Variants in CTIF observed in about 807,000 individuals in gnomAD.
CTIF encodes CBP80/20-dependent translation initiation factor.
CTIF carries 21 observed loss-of-function variants against 66.0 expected under a neutral mutation model. The observed-to-expected ratio is 0.32, with a 90% CI of 0.23 to 0.46. The LOEUF is 0.46. Among genes scored for constraint, CTIF ranks in the 20% least tolerant of loss-of-function variants. The probability of loss-of-function intolerance (pLI) is 1.00; values close to 1 mark genes in which losing one functional copy is unlikely to be tolerated. For missense variants in CTIF, 739 were observed against 812.7 expected, an observed-to-expected ratio of 0.91 and a Z score of 1.10; for synonymous variants, 345 against 326.4, an observed-to-expected ratio of 1.06 and a Z score of -0.62.
At chr18:48,720,320 A>G (rs371735521) in intron 7 of CTIF, among the ~76,000 whole-genome samples, 1 of 152,066 alleles carries the variant, frequency 6.6e-6, no homozygotes, top group South Asian at 2.1e-4. Flanking sequence ...GCATGGTTTG[A>G]CTGAGCCTAT....
At chr18:48,669,798 TATATATATATATATATATA>T (rs1568120582) in intron 5 of CTIF, among the ~76,000 whole-genome samples, 14 of 53,542 alleles carry the variant, frequency 2.6e-4, no homozygotes, top group African/African-American at 1.2e-3. Flanking sequence ...AACATTTATA[TATATATATATATATATATA>T]TATATATATA....
At position 48,669,797 on chromosome 18, in the gene CTIF, A is replaced by T. The variant is rs1325761747; in HGVS notation, c.432-872A>T. ...ATAAACAAACAAGCTAAACATTTAT[A>T]TATATATATATATATATATATATAT... On this transcript the variant is annotated intron_variant, in intron 5 of 11. Coordinates refer to ENST00000256413, the MANE Select transcript of CTIF (RefSeq NM_014772.3). Among the ~76,000 whole-genome samples, 6 of 48,884 alleles carry T rather than the reference A, an allele frequency of 1.2e-4. 1 individual carries two copies. The highest frequency in any genetic ancestry group is 6.0e-4 in the African/African-American group (6 of 9,918). The allele number at this position is 48,884 out of a possible 152,430, so 32.1% of individuals were successfully genotyped here.
In CTIF at chr18:48,703,991, G is replaced by A. The variant is rs537277640; in HGVS notation, c.508-7628G>A. ...CAGCTCTCCCACTTCTGGGCCTGGG[G>A]GGAAGCGTAGTGGTCACTGGGAGGG... is the stretch of plus-strand genomic sequence containing the variant. On this transcript the variant is annotated intron_variant, in intron 6 of 11. Coordinates refer to ENST00000256413, the MANE Select transcript of CTIF (RefSeq NM_014772.3). Among the ~76,000 whole-genome samples the A allele has an allele frequency of 2.6e-5, 4 of 152,354 alleles. No individual in the cohort carries two copies. The South Asian group carries it at 6.2e-4, about 24-fold the overall frequency.
Position 48,859,332 on chromosome 18 carries a change from C to G in CTIF, c.1582-12C>G, listed in dbSNP as rs1216572058. On this transcript the variant is annotated splice_polypyrimidine_tract_variant and intron_variant, in intron 11 of 11. Coordinates refer to ENST00000256413, the MANE Select transcript of CTIF (RefSeq NM_014772.3). ...ACCCGAGGCCATCCTAACCCCACAT[C>G]TCTGTCTGCAGCTGCAGAGTACAGG... 1 of 1,613,176 alleles carries G rather than the reference C, an allele frequency of 6.2e-7. No individual in the cohort carries two copies. Among genetic ancestry groups the G allele is most frequent in the South Asian group, 1.1e-5 (1 of 91,066 alleles).
At chr18:48,722,263 G>A (rs2092345501) in intron 7 of CTIF, among the ~76,000 whole-genome samples, 1 of 146,622 alleles carries the variant, frequency 6.8e-6, no homozygotes, top group Admixed American at 7.0e-5. Flanking sequence ...TGTCCAGGCT[G>A]GAGTTGCAGT....
chr18:48,582,585 CT>C (rs2089683778), intron 1 of CTIF, among the ~76,000 whole-genome samples: 1 of 152,106 alleles, frequency 6.6e-6, no homozygotes, highest in East Asian at 1.9e-4. Context: ...CCCCTATGTG[CT>C]GTGGTGCCTG....
At chr18:48,635,068 C>T (rs542752394) in intron 2 of CTIF, among the ~76,000 whole-genome samples, 3 of 152,242 alleles carry the variant, frequency 2.0e-5, no homozygotes, top group South Asian at 2.1e-4. Context: ...GTGTGTGGCT[C>T]TCATTTTGTT....
chr18:48,570,681 G>A (rs935597030), intron 1 of CTIF, among the ~76,000 whole-genome samples: 1 of 152,206 alleles, frequency 6.6e-6, no homozygotes, highest in Non-Finnish European at 1.5e-5. Flanking sequence ...TCGAAGGGGA[G>A]TTACTGTGGC....
chr18:48,736,718 G>A (rs977100141), intron 7 of CTIF, among the ~76,000 whole-genome samples: 5 of 152,202 alleles, frequency 3.3e-5, no homozygotes, highest in African/African-American at 9.6e-5. Context: ...TGGACCTGCC[G>A]CGCCATGGCC....
chr18:48,744,160 G>C (rs1391638571), intron 7 of CTIF, among the ~76,000 whole-genome samples: 2 of 152,176 alleles, frequency 1.3e-5, no homozygotes, highest in African/African-American at 4.8e-5. Context: ...TTCCATTAGG[G>C]ATTCTATTGG....
At chr18:48,651,905 T>C (rs1366543812) in intron 3 of CTIF, among the ~76,000 whole-genome samples, 1 of 152,226 alleles carries the variant, frequency 6.6e-6, no homozygotes, top group African/African-American at 2.4e-5. Flanking sequence ...ATAAAGATGT[T>C]CTTTGAAACC....
At chr18:48,734,524 C>A (rs997498160) in intron 7 of CTIF, among the ~76,000 whole-genome samples, 3 of 152,170 alleles carry the variant, frequency 2.0e-5, no homozygotes, top group African/African-American at 7.2e-5. Flanking sequence ...CAAGATTGCA[C>A]CACTGCACTC....
chr18:48,762,637 T>C (rs1160688909), intron 9 of CTIF, among the ~76,000 whole-genome samples: 2 of 152,182 alleles, frequency 1.3e-5, no homozygotes, highest in East Asian at 1.9e-4. Flanking sequence ...TTCCAAGTAA[T>C]GAAGTAGAAT....
At chr18:48,718,432 G>A (rs1208410663) in intron 7 of CTIF, among the ~76,000 whole-genome samples, 3 of 152,158 alleles carry the variant, frequency 2.0e-5, no homozygotes, top group Non-Finnish European at 4.4e-5. Context: ...TAGAGAACCA[G>A]GAAAGCCAGT....
At chr18:48,792,924 AGGGAGCTAATTTCTATCCAGGT>A (rs2067825544) in intron 9 of CTIF, among the ~76,000 whole-genome samples, 3 of 152,288 alleles carry the variant, frequency 2.0e-5, no homozygotes, top group African/African-American at 7.2e-5. Flanking sequence ...AATAAGCCTC[AGGGAGCTAATTTCTATCCAGGT>A]GGTATTTAGG....
At chr18:48,838,330 C>T (rs1481587147) in intron 10 of CTIF, among the ~76,000 whole-genome samples, 5 of 152,024 alleles carry the variant, frequency 3.3e-5, no homozygotes, top group South Asian at 4.2e-4. Context: ...AAGGCAGGTG[C>T]GCTGCCTTCC....
At chr18:48,690,873 G>A (rs914592431) in intron 6 of CTIF, among the ~76,000 whole-genome samples, 1 of 152,140 alleles carries the variant, frequency 6.6e-6, no homozygotes, top group Admixed American at 6.5e-5. Flanking sequence ...AATCAAGCAA[G>A]ACAATAATGG....
At chr18:48,623,285 GC>G (rs914110054) in intron 2 of CTIF, among the ~76,000 whole-genome samples, 5 of 152,208 alleles carry the variant, frequency 3.3e-5, no homozygotes, top group African/African-American at 1.2e-4. Context: ...CAGACACCTG[GC>G]AGGATGCTGG....
At chr18:48,801,190 C>G (rs541074032) in intron 9 of CTIF, among the ~76,000 whole-genome samples, 40 of 152,288 alleles carry the variant, frequency 2.6e-4, no homozygotes, top group Admixed American at 1.6e-3. Context: ...AGAGAGGGGC[C>G]CATTCAGACA....
Sources: allele counts gnomAD v4.1 joint callset (sites outside exome capture counted in the v4.1 genomes callset), GRCh38; gene constraint gnomAD v4.1.1; transcripts MANE v1.5; gene names NCBI Gene and HGNC (gene_info 2026-07-23, HGNC 2026-07-21).